Variants in FCHSD2 observed in about 807,000 individuals in gnomAD.
The protein encoded by FCHSD2 is F-BAR and double SH3 domains protein 2.
FCHSD2 carries 38 observed loss-of-function variants against 108.1 expected under a neutral mutation model. The ratio of observed to expected loss-of-function variants is 0.35; its 90% confidence interval spans 0.27 to 0.46. FCHSD2 has a LOEUF of 0.46. Among genes scored for constraint, FCHSD2 ranks in the 20% least tolerant of loss-of-function variants. FCHSD2 has a pLI of 1.00. For missense variants in FCHSD2, 751 were observed against 897.8 expected (o/e 0.84, Z 2.09); for synonymous variants, 279 against 314.7 (o/e 0.89, Z 1.20).
At chr11:73,090,226 T>C (rs1287618913) in intron 2 of FCHSD2, among the ~76,000 whole-genome samples, 1 of 137,902 alleles carries the variant, frequency 7.3e-6, no homozygotes, top group Admixed American at 7.2e-5. Flanking sequence ...CTTCTTTTTT[T>C]TTTTTTTTTT....
chr11:72,858,530 T>C (rs1027905585), intron 13 of FCHSD2, among the ~76,000 whole-genome samples: 1 of 152,080 alleles, frequency 6.6e-6, no homozygotes, highest in Non-Finnish European at 1.5e-5. Context: ...GAAGACCAAA[T>C]ACCGCAAATT....
intron 13 of FCHSD2, among the ~76,000 whole-genome samples, chr11:72,853,441 G>C (rs1186520863): frequency 6.6e-6 from 1 of 152,180 alleles, no homozygotes; most frequent in Non-Finnish European, 1.5e-5. Context: ...TGGAGACAGA[G>C]TCTCGCTCTG....
At chr11:72,843,128 G>A in intron 16 of FCHSD2, 23 bp downstream of exon 16, 1 of 1,611,824 alleles carries the variant, frequency 6.2e-7, no homozygotes, top group Non-Finnish European at 8.5e-7. Context: ...ACCAAATAAA[G>A]AGTGCCTTGT....
intron 5 of FCHSD2, among the ~76,000 whole-genome samples, chr11:72,993,761 G>A (rs1461531527): frequency 7.2e-6 from 1 of 138,878 alleles, no homozygotes. Flanking sequence ...CCTGTTGTGG[G>A]GTGAGGGGAG....
At chr11:72,889,777 G>T in intron 11 of FCHSD2, 52 bp downstream of exon 11, 1 of 1,006,128 alleles carries the variant, frequency 9.9e-7, no homozygotes, top group Non-Finnish European at 1.6e-6. Flanking sequence ...TCCTTAAACT[G>T]TTTGACATTT....
At chr11:73,140,624 C>T (rs1184066446) in intron 1 of FCHSD2, among the ~76,000 whole-genome samples, 2 of 152,210 alleles carry the variant, frequency 1.3e-5, no homozygotes, top group African/African-American at 4.8e-5. Context: ...TGCGAAAAAG[C>T]ACACTGTCTC....
chr11:72,938,690 C>T (rs754716319), intron 8 of FCHSD2, among the ~76,000 whole-genome samples: 2 of 152,044 alleles, frequency 1.3e-5, no homozygotes, highest in African/African-American at 2.4e-5. Flanking sequence ...TTCTTTTACT[C>T]GTATTCTACA....
chr11:72,920,098 T>C (rs1279804839), intron 9 of FCHSD2, among the ~76,000 whole-genome samples: 3 of 151,942 alleles, frequency 2.0e-5, no homozygotes, highest in East Asian at 1.9e-4. Context: ...AACAATAACA[T>C]AAACTGTAAG....
chr11:72,960,314 T>C (rs1228853960), intron 8 of FCHSD2, among the ~76,000 whole-genome samples: 1 of 152,182 alleles, frequency 6.6e-6, no homozygotes, highest in Non-Finnish European at 1.5e-5. Flanking sequence ...CACCTCCCAT[T>C]AGATCTCACC....
intron 8 of FCHSD2, among the ~76,000 whole-genome samples, chr11:72,925,067 A>AG (rs1856050785): frequency 6.6e-6 from 1 of 152,148 alleles, no homozygotes; most frequent in South Asian, 2.1e-4. Flanking sequence ...TCAAAAAAAA[A>AG]TAAGGCATGG....
intron 3 of FCHSD2, among the ~76,000 whole-genome samples, chr11:73,034,574 C>T (rs948514281): frequency 6.6e-6 from 1 of 152,142 alleles, no homozygotes; most frequent in Non-Finnish European, 1.5e-5. Context: ...GGAACCACAT[C>T]AATAAAACAC....
chr11:73,059,051 T>G (rs1314500558), intron 3 of FCHSD2, among the ~76,000 whole-genome samples: 2 of 152,200 alleles, frequency 1.3e-5, no homozygotes, highest in African/African-American at 4.8e-5. Flanking sequence ...GAAATACCAT[T>G]GTTGAACTGT....
intron 2 of FCHSD2, among the ~76,000 whole-genome samples, chr11:73,086,093 A>G (rs922088563): frequency 2.6e-5 from 4 of 152,236 alleles, no homozygotes; most frequent in African/African-American, 9.6e-5. Context: ...GGAAATTTAT[A>G]GCTTCAAATA....
chr11:73,020,447 T>C (rs1378852126), intron 3 of FCHSD2, among the ~76,000 whole-genome samples: 2 of 152,254 alleles, frequency 1.3e-5, no homozygotes, highest in African/African-American at 2.4e-5. Flanking sequence ...TTATATACTA[T>C]ACCATTTTGT....
chr11:73,044,439 G>A (rs1049693208), intron 3 of FCHSD2, among the ~76,000 whole-genome samples: 1 of 152,006 alleles, frequency 6.6e-6, no homozygotes. Context: ...AATTAGATGG[G>A]CATGGTGGCA....
intron 9 of FCHSD2, among the ~76,000 whole-genome samples, chr11:72,906,000 T>C (rs1406947944): frequency 6.6e-6 from 1 of 152,228 alleles, no homozygotes; most frequent in Non-Finnish European, 1.5e-5. Flanking sequence ...TCTAGATCCT[T>C]GAGGAGTTGC....
intron 9 of FCHSD2, among the ~76,000 whole-genome samples, chr11:72,910,761 A>G (rs965450957): frequency 1.3e-5 from 2 of 149,350 alleles, no homozygotes; most frequent in African/African-American, 2.5e-5. Context: ...CCTTCTCTCC[A>G]CTATTATCCT....
intron 4 of FCHSD2, among the ~76,000 whole-genome samples, chr11:73,012,894 T>C (rs1316696048): frequency 6.6e-6 from 1 of 152,242 alleles, no homozygotes; most frequent in Non-Finnish European, 1.5e-5. Context: ...TTAAGTCTTC[T>C]AAATATCTCT....
At chr11:73,082,928 A>G (rs781231797) in intron 3 of FCHSD2, among the ~76,000 whole-genome samples, 34 of 152,208 alleles carry the variant, frequency 2.2e-4, no homozygotes, top group Non-Finnish European at 2.6e-4. Flanking sequence ...ACATTTTGTA[A>G]TCTGGACTCC....
Sources: gnomAD v4.1 joint callset for allele counts (sites outside exome capture counted in the v4.1 genomes callset) on GRCh38, gnomAD v4.1.1 for gene constraint, MANE v1.5 for transcripts, NCBI Gene and HGNC (gene_info 2026-07-23, HGNC 2026-07-21) for gene names.